API5: variants seen among roughly 807,000 people sequenced by gnomAD.
API5 encodes apoptosis inhibitor 5.
API5 carries 6 observed loss-of-function variants against 71.9 expected under a neutral mutation model. The observed-to-expected ratio is 0.08, with a 90% CI of 0.05 to 0.16. The LOEUF (loss-of-function observed/expected upper bound fraction) is 0.16. API5 is among the 10% of genes least tolerant of loss of function. API5 has a pLI of 1.00. For missense variants in API5, 332 were observed against 612.8 expected, an observed-to-expected ratio of 0.54 and a Z score of 4.84; for synonymous variants, 189 against 221.3, an observed-to-expected ratio of 0.85 and a Z score of 1.30.
At chr11:43,339,538 G>A (rs1855544012) in intron 13 of API5, among the ~76,000 whole-genome samples, 1 of 152,166 alleles carries the variant, frequency 6.6e-6, no homozygotes, top group Non-Finnish European at 1.5e-5. Context: ...GGCTATAAAA[G>A]TGACTGACCA....
At chr11:43,319,410 G>C (rs1029546242) in intron 2 of API5, among the ~76,000 whole-genome samples, 2 of 152,132 alleles carry the variant, frequency 1.3e-5, no homozygotes, top group African/African-American at 4.8e-5. Context: ...TGCAGAATTT[G>C]CTGGATATAA....
Position 43,332,845 on chromosome 11 carries a change from C to T in API5, c.1278+2281C>T, listed in dbSNP as rs538611556. 6.0e-4 allele frequency among the ~76,000 whole-genome samples: 91 copies of T among 152,204 alleles called. 1 individual carries two copies. The highest frequency in any genetic ancestry group is 3.4e-3 in the Middle Eastern group (1 of 294). On this transcript the variant is annotated intron_variant, in intron 11 of 13. Transcript: ENST00000531273. The stretch of plus-strand genomic sequence containing the variant: ...CTGGAGGTGGGGTTGGACTGAGTTC[C>T]GACCCTGTAAGTATGTGGTTGGTTC...
chr11:43,335,760 A>C (rs922452972), intron 12 of API5, 98 bp from the exon 13 acceptor site: 1 of 1,306,802 alleles, frequency 7.7e-7, no homozygotes, highest in African/African-American at 1.5e-5. Context: ...TATCCTCTTT[A>C]GGATGTCTTT....
At chr11:43,329,008 C>A in intron 9 of API5, 115 bp downstream of exon 9, 3 of 1,049,316 alleles carry the variant, frequency 2.9e-6, no homozygotes, top group Admixed American at 2.3e-5. Flanking sequence ...CCCAGTGATA[C>A]AGATTGGAGG....
chr11:43,318,670 G>A lies in API5; in HGVS notation c.100G>A (p.Gly34Ser), dbSNP rs750788233. Reference sequence around the variant, plus strand: ...AGATGCCTATCAAGTGATATTGGATGGTGTGAAAGGTGGTACTAAGGAAAA... The same window carrying A: ...AGATGCCTATCAAGTGATATTGGATAGTGTGAAAGGTGGTACTAAGGAAAA... ...HKDAYQVILD[G>S]VKGGTKEKRL... The change falls in exon 2 of 14, where the codon GGT becomes AGT. Residue 34 changes from glycine (G) to serine (S), a missense_variant. Physicochemically the swap from Gly to Ser is moderately conservative, Grantham distance 56. Coordinates refer to ENST00000531273, the MANE Select transcript of API5 (RefSeq NM_001142930.2). 15 of 1,613,172 alleles carry A rather than the reference G, an allele frequency of 9.3e-6. No individual in the cohort carries two copies. The highest frequency in any genetic ancestry group is 1.3e-5 in the Non-Finnish European group (15 of 1,179,994).
At chr11:43,322,217 G>A (rs1854918489) in intron 5 of API5, 81 bp downstream of exon 5, 1 of 1,325,436 alleles carries the variant, frequency 7.5e-7, no homozygotes, top group Admixed American at 2.4e-5. Flanking sequence ...TCAATGTTAT[G>A]TGTGGCTTGT....
intron 11 of API5, among the ~76,000 whole-genome samples, chr11:43,331,619 G>C (rs1855260157): frequency 2.6e-5 from 4 of 152,150 alleles, no homozygotes; most frequent in Admixed American, 2.6e-4. Context: ...GCAGGCAAAA[G>C]AGGTGGAAGG....
At chr11:43,336,979 G>A (rs1855455288) in intron 13 of API5, among the ~76,000 whole-genome samples, 1 of 132,950 alleles carries the variant, frequency 7.5e-6, no homozygotes, top group Non-Finnish European at 1.5e-5. Flanking sequence ...CTGTACTCCA[G>A]CCTAGGCGAC....
chr11:43,318,350 G>A, intron 1 of API5: 1 of 1,352,240 alleles, frequency 7.4e-7, no homozygotes, highest in Non-Finnish European at 1.0e-6. Context: ...CATGGCCAGA[G>A]TTAATAATCA....
chr11:43,320,603 C>T (rs1366527720), intron 2 of API5, among the ~76,000 whole-genome samples: 2 of 151,716 alleles, frequency 1.3e-5, no homozygotes, highest in East Asian at 1.9e-4. Context: ...TGGAGGCTTG[C>T]GTCTATAGTC....
chr11:43,338,064 A>G (rs1275629077), intron 13 of API5, among the ~76,000 whole-genome samples: 1 of 152,236 alleles, frequency 6.6e-6, no homozygotes, highest in Non-Finnish European at 1.5e-5. Context: ...CCAGTCTTCA[A>G]AATAACAGAA....
chr11:43,325,201 C>G (rs1010782091), intron 6 of API5, among the ~76,000 whole-genome samples: 5 of 151,788 alleles, frequency 3.3e-5, no homozygotes, highest in Non-Finnish European at 1.5e-5. Context: ...GTTTGAGGAA[C>G]TAAGAAGGGT....
At chr11:43,319,820 T>G (rs1854805559) in intron 2 of API5, among the ~76,000 whole-genome samples, 1 of 152,210 alleles carries the variant, frequency 6.6e-6, no homozygotes, top group African/African-American at 2.4e-5. Context: ...TACTGAAAAT[T>G]CTAAAGTAAA....
intron 1 of API5, among the ~76,000 whole-genome samples, chr11:43,317,093 A>G (rs1425026372): frequency 1.3e-5 from 2 of 152,224 alleles, no homozygotes; most frequent in Admixed American, 6.5e-5. Flanking sequence ...GATGGCATGA[A>G]GTAAGCTCAT....
rs1038468640 is a variant in API5, at chr11:43,320,045, T to C, written c.232-776T>C. On this transcript the variant is annotated intron_variant, in intron 2 of 13. Coordinates refer to ENST00000531273, the MANE Select transcript of API5 (RefSeq NM_001142930.2). ...ATTAAATTGGAGCAAATTCTCTCTT[T>C]TTTTTTTTTTTTTTTTTTGAGAAGG... Among the ~76,000 whole-genome samples, 363 of 147,596 alleles carry C rather than the reference T, an allele frequency of 2.5e-3. 1 individual carries two copies. Among genetic ancestry groups the C allele is most frequent in the Non-Finnish European group, 4.3e-3 (286 of 66,614 alleles).
chr11:43,326,921 T>A (rs1336645007), intron 7 of API5, among the ~76,000 whole-genome samples: 2 of 152,264 alleles, frequency 1.3e-5, no homozygotes, highest in Non-Finnish European at 2.9e-5. Flanking sequence ...AATTTTAAAC[T>A]GGATTAACAC....
At chr11:43,318,516 A>G in intron 1 of API5, 124 bp from the exon 2 acceptor site, 1 of 1,549,850 alleles carries the variant, frequency 6.5e-7, no homozygotes, top group East Asian at 2.4e-5. Context: ...ACCTCCCAAA[A>G]TCAGCTTTAT....
intron 8 of API5, 34 bp downstream of exon 8, chr11:43,327,912 A>G: frequency 7.5e-7 from 1 of 1,335,874 alleles, no homozygotes. Flanking sequence ...TGGGATAGTC[A>G]GTATATAGCT....
chr11:43,342,743 C>T lies in API5; in HGVS notation c.*233C>T, dbSNP rs1565116655. ...TGTCTGCAATCTTGACTTGTTTTTG[C>T]AGTATCATTATTCAGACTTCAAATT... On this transcript the variant is annotated 3_prime_UTR_variant, in exon 14 of 14. Coordinates refer to ENST00000531273, the MANE Select transcript of API5 (RefSeq NM_001142930.2). The T allele has an allele frequency of 1.2e-5, 8 of 651,278 alleles. No individual in the cohort carries two copies. Among genetic ancestry groups the T allele is most frequent in the Non-Finnish European group, 2.2e-5 (8 of 359,768 alleles). The allele number at this position is 651,278 out of a possible 1,614,324, so 40.3% of individuals were successfully genotyped here. A position where few individuals can be genotyped will look rare whatever the true frequency, so the allele number is the denominator to read the frequency against.
Sources: allele counts gnomAD v4.1 joint callset (sites outside exome capture counted in the v4.1 genomes callset), GRCh38; gene constraint gnomAD v4.1.1; transcripts MANE v1.5; gene names NCBI Gene and HGNC (gene_info 2026-07-23, HGNC 2026-07-21).